BRMS1L: variants seen among roughly 807,000 people sequenced by gnomAD.
BRMS1L encodes breast cancer metastasis-suppressor 1-like protein.
In BRMS1L, 23 loss-of-function variants were observed where a neutral mutation model predicts 50.3. The observed-to-expected ratio is 0.46, with a 90% CI of 0.33 to 0.65. BRMS1L has a LOEUF of 0.65. Among genes scored for constraint, BRMS1L ranks in the 30% least tolerant of loss-of-function variants. BRMS1L has a pLI of 0.02. For missense variants in BRMS1L, 286 were observed against 386.1 expected (o/e 0.74, Z 2.17); for synonymous variants, 114 against 126.9 (o/e 0.90, Z 0.69).
At chr14:35,863,743 T>TAC in intron 5 of BRMS1L, 127 bp from the exon 6 acceptor site, 1 of 732,380 alleles carries the variant, frequency 1.4e-6, no homozygotes, top group Non-Finnish European at 2.3e-6. Flanking sequence ...AATCTATATA[T>TAC]ACCCAGCTGC....
At chr14:35,843,802 A>G (rs1375943269) in intron 4 of BRMS1L, among the ~76,000 whole-genome samples, 2 of 152,210 alleles carry the variant, frequency 1.3e-5, no homozygotes. Flanking sequence ...GCCTTCCCCC[A>G]GGTGCTCTGT....
At chr14:35,847,982 C>T (rs2078159196) in intron 4 of BRMS1L, among the ~76,000 whole-genome samples, 1 of 152,150 alleles carries the variant, frequency 6.6e-6, no homozygotes. Context: ...GTTTCCACAT[C>T]TTTGCTGTTA....
At chr14:35,849,005 T>TA (rs1316944993) in intron 4 of BRMS1L, among the ~76,000 whole-genome samples, 1 of 152,054 alleles carries the variant, frequency 6.6e-6, no homozygotes, top group Non-Finnish European at 1.5e-5. Context: ...CTGGAAATTG[T>TA]ATTTTTTTTT....
At chr14:35,846,966 T>G (rs188033076) in intron 4 of BRMS1L, among the ~76,000 whole-genome samples, 156 of 151,976 alleles carry the variant, frequency 1.0e-3, no homozygotes, top group African/African-American at 3.5e-3. Flanking sequence ...TATTGCTGTT[T>G]TTTTAAAAAA....
At chr14:35,866,507 C>A (rs940873425) in intron 8 of BRMS1L, among the ~76,000 whole-genome samples, 1 of 152,096 alleles carries the variant, frequency 6.6e-6, no homozygotes, top group Admixed American at 6.5e-5. Flanking sequence ...AGTTTGAGAT[C>A]TGCCTGGGCA....
In BRMS1L at chr14:35,826,543, G is replaced by T; in HGVS notation, c.27G>T (p.Lys9Asn). The T allele has an allele frequency of 6.3e-7, 1 of 1,599,614 alleles. No individual in the cohort carries two copies. The highest frequency in any genetic ancestry group is 8.5e-7 in the Non-Finnish European group (1 of 1,174,042). Residue 9 changes from lysine to asparagine, a missense_variant, in exon 1 of 10, where the codon AAG (lysine) becomes AAT (asparagine). By Grantham distance (94) the Lys-to-Asn change is moderately conservative. Coordinates refer to ENST00000216807, the MANE Select transcript of BRMS1L (RefSeq NM_032352.4). ...TGCCAGTCCATTCCCGAGGGGATAAGAAGGAGACCAACCATCACGATGAGA... is the reference window on the plus strand; with the variant it reads ...TGCCAGTCCATTCCCGAGGGGATAATAAGGAGACCAACCATCACGATGAGA... MPVHSRGD[K>N]KETNHHDEME...
intron 4 of BRMS1L, 63 bp from the exon 5 acceptor site, chr14:35,862,527 C>A: frequency 1.9e-6 from 2 of 1,034,030 alleles, no homozygotes; most frequent in Non-Finnish European, 2.7e-6. Flanking sequence ...TTATTTGGTA[C>A]TCTTAGTTAA....
chr14:35,868,549 C>T (rs2078449661), intron 9 of BRMS1L, among the ~76,000 whole-genome samples: 1 of 152,246 alleles, frequency 6.6e-6, no homozygotes, highest in Non-Finnish European at 1.5e-5. Context: ...CTTTGGGAAG[C>T]TGAGGCAGGA....
chr14:35,828,621 G>T (rs1275594004), intron 1 of BRMS1L, among the ~76,000 whole-genome samples: 2 of 151,516 alleles, frequency 1.3e-5, no homozygotes. Flanking sequence ...TTACAGGCAT[G>T]CGCCGCCACG....
intron 4 of BRMS1L, among the ~76,000 whole-genome samples, chr14:35,836,216 G>T (rs536218796): frequency 2.6e-5 from 4 of 152,158 alleles, no homozygotes; most frequent in African/African-American, 9.7e-5. Flanking sequence ...TTTGCTGGTT[G>T]TATGCTTTGC....
intron 4 of BRMS1L, among the ~76,000 whole-genome samples, chr14:35,854,162 C>G (rs988467948): frequency 5.9e-5 from 9 of 152,156 alleles, no homozygotes; most frequent in Non-Finnish European, 7.3e-5. Context: ...TTCTTGCTCA[C>G]TGTTTTTGAG....
chr14:35,861,587 T>C (rs1252373585), intron 4 of BRMS1L, among the ~76,000 whole-genome samples: 2 of 152,248 alleles, frequency 1.3e-5, no homozygotes, highest in African/African-American at 2.4e-5. Flanking sequence ...AATCTAGTTT[T>C]AGTTTTCAGC....
chr14:35,839,598 G>A (rs973976929), intron 4 of BRMS1L, among the ~76,000 whole-genome samples: 2 of 152,152 alleles, frequency 1.3e-5, no homozygotes, highest in African/African-American at 2.4e-5. Flanking sequence ...TCCCTTACAA[G>A]TTAGATTCCT....
At position 35,854,084 on chromosome 14, in the gene BRMS1L, C is replaced by A. The variant is rs953893768; in HGVS notation, c.442-8506C>A. On this transcript the variant is annotated intron_variant, in intron 4 of 9. Transcript: ENST00000216807. ...TTTTAGTTCCATCTTGCTTTTTACC[C>A]TTCAAACGAGACATTATTTTGGTCT... Among the ~76,000 whole-genome samples, 3 of 152,088 alleles carry A rather than the reference C, an allele frequency of 2.0e-5. No individual in the cohort carries two copies. In the South Asian group the frequency reaches 6.2e-4, roughly 32 times the overall value.
Position 35,871,429 on chromosome 14 carries a change from T to G in BRMS1L, c.*952T>G, listed in dbSNP as rs2078490399. 1 of 152,664 alleles carries G rather than the reference T, an allele frequency of 6.6e-6. No homozygotes were observed. The highest frequency in any genetic ancestry group is 1.5e-5 in the Non-Finnish European group (1 of 68,042). 9.5% of individuals were successfully genotyped at this position (152,664 alleles called of 1,614,324 possible). Reference sequence around the variant, plus strand: ...TTTTTTTCTTTGGTATTTCTACACTTTAAGGCCATTTGGTGCAATTTAGAA... The same window carrying G: ...TTTTTTTCTTTGGTATTTCTACACTGTAAGGCCATTTGGTGCAATTTAGAA... On this transcript the variant is annotated 3_prime_UTR_variant, in exon 10 of 10. Coordinates refer to ENST00000216807, the MANE Select transcript of BRMS1L (RefSeq NM_032352.4).
intron 4 of BRMS1L, among the ~76,000 whole-genome samples, chr14:35,847,885 C>T (rs981593496): frequency 1.3e-5 from 2 of 152,158 alleles, no homozygotes; most frequent in Non-Finnish European, 2.9e-5. Context: ...ATAGGATTTC[C>T]TTCTATTCTA....
At chr14:35,869,294 T>C (rs2078459053) in intron 9 of BRMS1L, among the ~76,000 whole-genome samples, 1 of 152,150 alleles carries the variant, frequency 6.6e-6, no homozygotes, top group Non-Finnish European at 1.5e-5. Flanking sequence ...ATCTTTCCTG[T>C]AGTAATTCCA....
intron 4 of BRMS1L, among the ~76,000 whole-genome samples, chr14:35,836,970 G>T (rs1415808816): frequency 6.6e-6 from 1 of 152,154 alleles, no homozygotes; most frequent in Non-Finnish European, 1.5e-5. Context: ...CTTGTAAGTT[G>T]TATTCCTAGG....
At chr14:35,854,671 C>A (rs931140749) in intron 4 of BRMS1L, among the ~76,000 whole-genome samples, 1 of 152,206 alleles carries the variant, frequency 6.6e-6, no homozygotes, top group African/African-American at 2.4e-5. Context: ...ATCTAAGGTT[C>A]TTTGCTGTCT....
Sources: allele counts gnomAD v4.1 joint callset (sites outside exome capture counted in the v4.1 genomes callset), GRCh38; gene constraint gnomAD v4.1.1; transcripts MANE v1.5; gene names NCBI Gene and HGNC (gene_info 2026-07-23, HGNC 2026-07-21).